Variants in CAMK4 observed in about 807,000 individuals in gnomAD.
CAMK4 encodes calcium/calmodulin dependent protein kinase IV, also known as calcium/calmodulin-dependent protein kinase type IV.
Under a neutral mutation model 44.9 loss-of-function variants are expected in CAMK4, and 22 were observed. That is an observed-to-expected ratio of 0.49 (90% CI 0.35 to 0.70). The LOEUF (loss-of-function observed/expected upper bound fraction) is 0.70, where lower values mean the gene tolerates loss of function less well. Among genes scored for constraint, CAMK4 ranks in the 30% least tolerant of loss-of-function variants. The pLI is 0.01. For synonymous variants in CAMK4, 218 were observed against 215.4 expected, an observed-to-expected ratio of 1.01 and a Z score of -0.11; for missense variants, 498 against 586.8, an observed-to-expected ratio of 0.85 and a Z score of 1.56.
intron 5 of CAMK4, among the ~76,000 whole-genome samples, chr5:111,403,961 A>C (rs1334088917): frequency 6.6e-6 from 1 of 152,102 alleles, no homozygotes; most frequent in Admixed American, 6.6e-5. Flanking sequence ...TCAATCTATA[A>C]ATTTGGAAAG....
intron 1 of CAMK4, among the ~76,000 whole-genome samples, chr5:111,303,335 T>A (rs1322210365): frequency 8.9e-6 from 1 of 112,980 alleles, no homozygotes; most frequent in African/African-American, 3.8e-5. Flanking sequence ...GCAAAGAAGT[T>A]GAAAACTTTG....
chr5:111,480,918 C>T (rs2112499957), intron 9 of CAMK4, among the ~76,000 whole-genome samples: 1 of 152,240 alleles, frequency 6.6e-6, no homozygotes, highest in South Asian at 2.1e-4. Context: ...CTTAAAACTT[C>T]AGAACTGGAA....
At chr5:111,407,413 T>A (rs1018405043) in intron 5 of CAMK4, among the ~76,000 whole-genome samples, 30 of 151,480 alleles carry the variant, frequency 2.0e-4, no homozygotes, top group African/African-American at 7.0e-4. Context: ...AGAGAAGTAC[T>A]CACAGTGTCC....
At chr5:111,429,241 T>C (rs1271594735) in intron 5 of CAMK4, among the ~76,000 whole-genome samples, 1 of 152,082 alleles carries the variant, frequency 6.6e-6, no homozygotes, top group East Asian at 1.9e-4. Context: ...ACAAATCTTT[T>C]GCCAGACTAA....
chr5:111,339,361 G>A (rs1749542787), intron 1 of CAMK4, among the ~76,000 whole-genome samples: 1 of 151,166 alleles, frequency 6.6e-6, no homozygotes. Context: ...TACAGCTTCA[G>A]GTATTACATT....
At chr5:111,400,704 TG>T (rs1752191978) in intron 5 of CAMK4, among the ~76,000 whole-genome samples, 1 of 152,202 alleles carries the variant, frequency 6.6e-6, no homozygotes, top group Admixed American at 6.5e-5. Flanking sequence ...TCTTTGGATT[TG>T]AATTCATTCA....
chr5:111,472,246 G>A (rs756311651), intron 7 of CAMK4, among the ~76,000 whole-genome samples: 3 of 152,132 alleles, frequency 2.0e-5, no homozygotes, highest in Non-Finnish European at 4.4e-5. Context: ...CAGCCAGCAT[G>A]GACAGAGAAT....
At chr5:111,466,748 T>A (rs1394701842) in intron 7 of CAMK4, among the ~76,000 whole-genome samples, 1 of 152,198 alleles carries the variant, frequency 6.6e-6, no homozygotes, top group Non-Finnish European at 1.5e-5. Context: ...AGAATCAATA[T>A]TGTGAAAATG....
intron 2 of CAMK4, among the ~76,000 whole-genome samples, chr5:111,357,567 A>G (rs1485321785): frequency 6.6e-6 from 1 of 152,106 alleles, no homozygotes. Flanking sequence ...ACAGGACGAA[A>G]AGAAAGCTAA....
In CAMK4 at chr5:111,383,716, C is replaced by T. The variant is rs114036503; in HGVS notation, c.386+6774C>T. On this transcript the variant is annotated intron_variant, in intron 4 of 10. Transcript: ENST00000282356. ...TCTTGACCTCGTGATCCACCCACCT[C>T]GGCCTCCCAAAGTGCTGGGATTACA... Among the ~76,000 whole-genome samples, 1,464 of 151,654 alleles carry T rather than the reference C, an allele frequency of 9.7e-3. 31 individuals carry two copies. The highest frequency in any genetic ancestry group is 0.033 in the African/African-American group (1,370 of 41,290).
intron 1 of CAMK4, among the ~76,000 whole-genome samples, chr5:111,282,244 A>G (rs908275857): frequency 2.0e-5 from 3 of 152,176 alleles, no homozygotes; most frequent in African/African-American, 7.2e-5. Flanking sequence ...TTAAAATACA[A>G]GTGTATATGC....
intron 1 of CAMK4, among the ~76,000 whole-genome samples, chr5:111,276,152 C>T (rs1190979004): frequency 2.6e-5 from 4 of 152,086 alleles, no homozygotes; most frequent in African/African-American, 9.7e-5. Flanking sequence ...TGAAGCATTC[C>T]CTCCAGTCTG....
chr5:111,343,225 C>A (rs1397211623), intron 1 of CAMK4, among the ~76,000 whole-genome samples: 1 of 151,596 alleles, frequency 6.6e-6, no homozygotes, highest in African/African-American at 2.4e-5. Flanking sequence ...TTTTATAATT[C>A]TTTGTGCTCA....
intron 1 of CAMK4, among the ~76,000 whole-genome samples, chr5:111,316,068 T>C (rs1171077325): frequency 6.6e-6 from 1 of 152,182 alleles, no homozygotes; most frequent in East Asian, 1.9e-4. Flanking sequence ...AATTATTTCA[T>C]GACCCTAAGC....
chr5:111,392,215 G>T (rs1289122051), intron 4 of CAMK4, among the ~76,000 whole-genome samples: 1 of 152,132 alleles, frequency 6.6e-6, no homozygotes, highest in Admixed American at 6.6e-5. Flanking sequence ...GTTCTGCATG[G>T]CTGCAGAGGT....
rs1295069026 is a variant in CAMK4, at chr5:111,478,374, C to A, written c.702-7C>A. On this transcript the variant is annotated splice_polypyrimidine_tract_variant and splice_region_variant and intron_variant, in intron 8 of 10. Transcript: ENST00000282356. ...GACATTTTATTCTCTATATTTTATT[C>A]CTCTAGACTTTGTGGATTTGAACCA... 8 of 1,533,488 alleles carry A rather than the reference C, an allele frequency of 5.2e-6. No individual in the cohort carries two copies. The East Asian group carries it at 1.8e-4, about 35-fold the overall frequency. The allele number at this position is 1,533,488 out of a possible 1,614,324, so 95.0% of individuals were successfully genotyped here. A position where few individuals can be genotyped will look rare whatever the true frequency, so the allele number is the denominator to read the frequency against.
intron 5 of CAMK4, among the ~76,000 whole-genome samples, chr5:111,434,720 A>G (rs577550476): frequency 1.3e-5 from 2 of 152,380 alleles, no homozygotes; most frequent in South Asian, 4.1e-4. Flanking sequence ...CAAAGCAGAC[A>G]TGACACCAAA....
intron 1 of CAMK4, chr5:111,282,788 A>T (rs189346184): frequency 6.6e-6 from 1 of 152,358 alleles, no homozygotes; most frequent in Non-Finnish European, 1.5e-5. Flanking sequence ...CAATAAACCC[A>T]TCACAAATTG....
intron 2 of CAMK4, among the ~76,000 whole-genome samples, chr5:111,358,770 C>G (rs118001788): frequency 3.9e-5 from 6 of 151,978 alleles, no homozygotes; most frequent in East Asian, 1.9e-4. Flanking sequence ...TTGTTTGTGT[C>G]CATATGTTCC....
Sources: allele counts gnomAD v4.1 joint callset (sites outside exome capture counted in the v4.1 genomes callset), GRCh38; gene constraint gnomAD v4.1.1; transcripts MANE v1.5; gene names NCBI Gene and HGNC (gene_info 2026-07-23, HGNC 2026-07-21).